The following CFAP54 variants were observed in gnomAD, a reference collection of about 807,000 sequenced individuals.
CFAP54 encodes cilia- and flagella-associated protein 54.
CFAP54 carries 290 observed loss-of-function variants against 370.4 expected under a neutral mutation model. The ratio of observed to expected loss-of-function variants is 0.78; its 90% CI spans 0.71 to 0.86. The LOEUF is 0.86. Among genes scored for constraint, CFAP54 ranks in the 40% least tolerant of loss-of-function variants. The probability of loss-of-function intolerance (pLI) is 0.00; values close to 1 mark genes in which losing one functional copy is unlikely to be tolerated. For missense variants in CFAP54, 3,399 were observed against 3,528.7 expected (o/e 0.96, Z 0.93); for synonymous variants, 1,206 against 1,236.5 (o/e 0.98, Z 0.52).
chr12:96,819,177 G>A (rs1213762887), intron 65 of CFAP54, among the ~76,000 whole-genome samples: 1 of 152,184 alleles, frequency 6.6e-6, no homozygotes, highest in Admixed American at 6.5e-5. Context: ...CATGAAAGAT[G>A]GGGTAATGAA....
At chr12:96,810,158 A>ACCTGAGCCTCCAGTT (rs1194604538) in intron 63 of CFAP54, among the ~76,000 whole-genome samples, 2 of 151,562 alleles carry the variant, frequency 1.3e-5, no homozygotes, top group Non-Finnish European at 2.9e-5. Flanking sequence ...CTTTAAAGGT[A>ACCTGAGCCTCCAGTT]CCTGAGCCTC....
chr12:96,793,881 CT>C (rs1958730658), intron 63 of CFAP54, among the ~76,000 whole-genome samples: 2 of 139,644 alleles, frequency 1.4e-5, no homozygotes, highest in Non-Finnish European at 3.1e-5. Context: ...TATTCATGTC[CT>C]TAGCCCACTT....
chr12:96,641,106 C>T (rs1303375291), intron 32 of CFAP54, among the ~76,000 whole-genome samples: 1 of 152,104 alleles, frequency 6.6e-6, no homozygotes, highest in African/African-American at 2.4e-5. Flanking sequence ...AGCTTCTGCA[C>T]AGCAAAAAGA....
Position 96,743,473 on chromosome 12 carries a change from G to A in CFAP54, c.7291G>A (p.Glu2431Lys). 1 of 1,613,982 alleles carries A rather than the reference G, an allele frequency of 6.2e-7. No individual in the cohort carries two copies. Among genetic ancestry groups the A allele is most frequent in the Non-Finnish European group, 8.5e-7 (1 of 1,179,892 alleles). ...GGAGGCAAAAAGCGCAGGGGACACG[G>A]AACTGCAGGCTGAATTCTTGACGCA... ...CMEAKSAGDTELQAEFLTQAV... is the reference protein window; with the variant it reads ...CMEAKSAGDTKLQAEFLTQAV... The change falls in exon 53 of 68, where the codon GAA becomes AAA. Residue 2431 changes from glutamate to lysine, a missense_variant. By Grantham distance (56) the Glu-to-Lys change is moderately conservative. Around this residue, in one of 3 missense-constraint regions of CFAP54, gnomAD observed 2,796 missense variants for 2,869.7 expected, o/e 0.97. Coordinates refer to ENST00000524981, the MANE Select transcript of CFAP54 (RefSeq NM_001306084.2).
chr12:96,841,266 C>T (rs1217476312), intron 66 of CFAP54, among the ~76,000 whole-genome samples: 1 of 152,174 alleles, frequency 6.6e-6, no homozygotes, highest in African/African-American at 2.4e-5. Flanking sequence ...GAAGTTTAGT[C>T]ATTTTGTGTA....
At chr12:96,588,512 A>G (rs1338042537) in intron 22 of CFAP54, among the ~76,000 whole-genome samples, 2 of 152,210 alleles carry the variant, frequency 1.3e-5, no homozygotes, top group Non-Finnish European at 2.9e-5. Context: ...TACAGTGCCT[A>G]ACACAGACTA....
intron 34 of CFAP54, 98 bp from the exon 35 acceptor site, chr12:96,649,793 G>T: frequency 1.4e-6 from 1 of 701,120 alleles, no homozygotes; most frequent in South Asian, 2.3e-5. Context: ...TGTAGCATTT[G>T]TTATCTGAAT....
chr12:96,566,792 G>A (rs1955868871), intron 19 of CFAP54, among the ~76,000 whole-genome samples: 1 of 152,016 alleles, frequency 6.6e-6, no homozygotes, highest in Non-Finnish European at 1.5e-5. Flanking sequence ...GATCCATTTC[G>A]CAATTATGTA....
rs576099642 is a variant in CFAP54, at chr12:96,841,774, G to A, written c.9171+12686G>A. ...GAAAGACCTCAGGTCAACTAGATTC[G>A]TCGAAGGTCTCTGAAGCAATGTATC... On this transcript the variant is annotated intron_variant, in intron 66 of 67. Transcript: ENST00000524981. Among the ~76,000 whole-genome samples the A allele has an allele frequency of 7.9e-5, 12 of 152,300 alleles. No homozygotes were observed. In the South Asian group the frequency reaches 1.5e-3, roughly 18 times the overall value.
chr12:96,690,904 A>G (rs1369608095), intron 43 of CFAP54, among the ~76,000 whole-genome samples: 1 of 152,188 alleles, frequency 6.6e-6, no homozygotes, highest in Non-Finnish European at 1.5e-5. Context: ...TGAAAATAAG[A>G]AGTATCCAAC....
At position 96,698,673 on chromosome 12, in the gene CFAP54, G is replaced by T. The variant is rs145771615; in HGVS notation, c.6352-1298G>T. ...AAGGGAACAATAGACGCCAGGGCCT[G>T]CTTGAGGGTGCAGGGTGAGAGGAGG... On this transcript the variant is annotated intron_variant, in intron 45 of 67. Coordinates refer to ENST00000524981, the MANE Select transcript of CFAP54 (RefSeq NM_001306084.2). Among the ~76,000 whole-genome samples the T allele has an allele frequency of 2.4e-3, 363 of 152,254 alleles. 2 individuals are homozygous for T. The highest frequency in any genetic ancestry group is 8.1e-3 in the African/African-American group (337 of 41,564).
intron 60 of CFAP54, among the ~76,000 whole-genome samples, chr12:96,774,427 C>G (rs1435819014): frequency 6.6e-6 from 1 of 152,090 alleles, no homozygotes; most frequent in African/African-American, 2.4e-5. Flanking sequence ...TAAAGTGTGA[C>G]AAGCGGATAT....
At position 96,610,839 on chromosome 12, in the gene CFAP54, G is replaced by A. The variant is rs1956350380; in HGVS notation, c.3640-10751G>A. Among the ~76,000 whole-genome samples, 4 of 152,332 alleles carry A rather than the reference G, an allele frequency of 2.6e-5. No individual in the cohort carries two copies. In the South Asian group the frequency reaches 8.3e-4, roughly 32 times the overall value. On this transcript the variant is annotated intron_variant, in intron 26 of 67. Transcript: ENST00000524981. Reference sequence around the variant, plus strand: ...CTGCAAGGTGGCAGCAAGGCTGGGGGAGGGGCACCTGCCATTGCTGAGGCT... The same window carrying A: ...CTGCAAGGTGGCAGCAAGGCTGGGGAAGGGGCACCTGCCATTGCTGAGGCT...
At chr12:96,690,785 C>T (rs191744375) in intron 43 of CFAP54, among the ~76,000 whole-genome samples, 266 of 152,180 alleles carry the variant, frequency 1.7e-3, no homozygotes, top group African/African-American at 5.2e-3. Flanking sequence ...CTTCTAAGAG[C>T]AGGTTAAAAT....
chr12:96,629,054 A>G (rs1592893710), intron 30 of CFAP54, among the ~76,000 whole-genome samples: 1 of 152,170 alleles, frequency 6.6e-6, no homozygotes, highest in Non-Finnish European at 1.5e-5. Context: ...AGTGGCTGGG[A>G]GCTTGCAAAA....
intron 60 of CFAP54, among the ~76,000 whole-genome samples, chr12:96,768,710 C>T (rs1302083065): frequency 6.6e-6 from 1 of 151,866 alleles, no homozygotes; most frequent in Non-Finnish European, 1.5e-5. Flanking sequence ...CAAAAACAAA[C>T]AAAAAAAGAA....
chr12:96,791,160 T>C (rs1470134029), intron 62 of CFAP54, among the ~76,000 whole-genome samples: 3 of 150,888 alleles, frequency 2.0e-5, no homozygotes, highest in African/African-American at 7.3e-5. Flanking sequence ...ATATGGAAAG[T>C]AGTTTGCACT....
At chr12:96,615,640 T>C (rs1956407797) in intron 26 of CFAP54, among the ~76,000 whole-genome samples, 3 of 152,160 alleles carry the variant, frequency 2.0e-5, no homozygotes, top group African/African-American at 7.2e-5. Flanking sequence ...ATCCGGAATC[T>C]ACAAAGAACT....
At chr12:96,708,937 C>T in intron 48 of CFAP54, 134 bp downstream of exon 48, 1 of 683,380 alleles carries the variant, frequency 1.5e-6, no homozygotes, top group South Asian at 2.3e-5. Flanking sequence ...TAATGACACA[C>T]ATATGTACTT....
Sources: gnomAD v4.1 joint callset for allele counts (sites outside exome capture counted in the v4.1 genomes callset) on GRCh38, gnomAD v4.1.1 for gene constraint, gnomAD v4.1.1 regional missense constraint, MANE v1.5 for transcripts, NCBI Gene and HGNC (gene_info 2026-07-23, HGNC 2026-07-21) for gene names.